CADM1: variants seen among roughly 807,000 people sequenced by gnomAD.
The protein encoded by CADM1 is TSLC-1.
A neutral mutation model predicts 53.1 loss-of-function variants in CADM1; 15 were observed. The ratio of observed to expected loss-of-function variants is 0.28; its 90% CI spans 0.19 to 0.44. CADM1 has a LOEUF of 0.44. CADM1 is among the 20% of genes least tolerant of loss of function. The pLI, the probability that CADM1 is intolerant of heterozygous loss-of-function variation, is 1.00. For missense variants in CADM1, 434 were observed against 611.3 expected, an observed-to-expected ratio of 0.71 and a Z score of 3.06; for synonymous variants, 281 against 243.0, an observed-to-expected ratio of 1.16 and a Z score of -1.45.
At chr11:115,197,807 A>G (rs969038980) in intron 9 of CADM1, among the ~76,000 whole-genome samples, 3 of 152,244 alleles carry the variant, frequency 2.0e-5, no homozygotes, top group African/African-American at 7.2e-5. Context: ...GCATAAAGTT[A>G]TATGAACACA....
At chr11:115,483,717 G>A (rs1591293145) in intron 1 of CADM1, among the ~76,000 whole-genome samples, 1 of 152,130 alleles carries the variant, frequency 6.6e-6, no homozygotes, top group Non-Finnish European at 1.5e-5. Flanking sequence ...CTTTTTAAAT[G>A]TTTTTTAGTC....
rs78513061 is a variant in CADM1 at position 115,418,022 on chromosome 11, A to G, written c.124+86249T>C. ...ACATCTAATTCAGATGCGGATAAGA[A>G]GCAATGTTAATGAATAACAAAATAA... On this transcript the variant is annotated intron_variant, in intron 1 of 11. Coordinates refer to ENST00000331581, the MANE Select transcript of CADM1 (RefSeq NM_001301043.2). Among the ~76,000 whole-genome samples, 242 of 152,348 alleles carry G rather than the reference A, an allele frequency of 1.6e-3. 4 individuals carry two copies. In the East Asian group the frequency reaches 0.037, roughly 24 times the overall value.
At chr11:115,338,236 C>A (rs1378974905) in intron 1 of CADM1, among the ~76,000 whole-genome samples, 3 of 152,118 alleles carry the variant, frequency 2.0e-5, no homozygotes, top group Non-Finnish European at 4.4e-5. Flanking sequence ...TTAATATTCA[C>A]AAAAACCCTA....
At chr11:115,394,217 C>T (rs1057001412) in intron 1 of CADM1, among the ~76,000 whole-genome samples, 7 of 152,218 alleles carry the variant, frequency 4.6e-5, no homozygotes, top group African/African-American at 1.7e-4. Flanking sequence ...TATAAAATTA[C>T]ATCAGATCTC....
At chr11:115,209,083 T>C (rs1407390229) in intron 8 of CADM1, among the ~76,000 whole-genome samples, 1 of 152,202 alleles carries the variant, frequency 6.6e-6, no homozygotes, top group Non-Finnish European at 1.5e-5. Flanking sequence ...AAACAGGTAG[T>C]ATCACTTGTC....
rs893814404 is a variant in CADM1 at position 115,349,702 on chromosome 11, T to C, written c.125-109282A>G. On this transcript the variant is annotated intron_variant, in intron 1 of 11. Transcript: ENST00000331581. ...AAATAGCAAAAACTTGTCATCTTTG[T>C]TGCTTAAAGGGAAAGCTGTTCAAGG... Among the ~76,000 whole-genome samples, 9 of 152,350 alleles carry C rather than the reference T, an allele frequency of 5.9e-5. 1 individual carries two copies. Among genetic ancestry groups the C allele is most frequent in the Admixed American group, 5.9e-4 (9 of 15,306 alleles).
intron 9 of CADM1, among the ~76,000 whole-genome samples, chr11:115,194,420 C>A (rs1263622587): frequency 1.3e-5 from 2 of 152,114 alleles, no homozygotes; most frequent in African/African-American, 2.4e-5. Flanking sequence ...GGGCTGTGCT[C>A]GTAGGGTACG....
intron 1 of CADM1, among the ~76,000 whole-genome samples, chr11:115,268,892 C>A (rs969397361): frequency 6.6e-5 from 10 of 152,062 alleles, no homozygotes; most frequent in African/African-American, 2.2e-4. Context: ...ATGAGTGGGG[C>A]TGCAGAGCTG....
intron 1 of CADM1, among the ~76,000 whole-genome samples, chr11:115,301,441 T>C (rs949227400): frequency 2.0e-5 from 3 of 151,996 alleles, no homozygotes; most frequent in African/African-American, 7.2e-5. Flanking sequence ...TTACTTGAAG[T>C]CAAAACAAAA....
chr11:115,239,676 T>A (rs1942146872), intron 2 of CADM1, among the ~76,000 whole-genome samples: 1 of 151,952 alleles, frequency 6.6e-6, no homozygotes, highest in Admixed American at 6.6e-5. Flanking sequence ...ATGCTTCGCT[T>A]TGGTTAGGCA....
intron 5 of CADM1, among the ~76,000 whole-genome samples, chr11:115,220,837 A>G (rs1413844914): frequency 6.6e-6 from 1 of 152,172 alleles, no homozygotes; most frequent in Non-Finnish European, 1.5e-5. Flanking sequence ...TGGCACCTCT[A>G]GAACTAAGGG....
chr11:115,504,318 A>G lies in CADM1; in HGVS notation c.77T>C (p.Leu26Pro), dbSNP rs1368800781. ...GGAGAAGAGCAACAGCAGAAGCCGGAGCCGGAGCCCGGGAGGCGCCGCCGC... is the reference window on the plus strand; with the variant it reads ...GGAGAAGAGCAACAGCAGAAGCCGGGGCCGGAGCCCGGGAGGCGCCGCCGC... ...AAAAAPPGLR[L>P]RLLLLLFSAA... Residue 26 changes from leucine (L) to proline (P), a missense_variant, in exon 1 of 12, where the codon CTC (leucine) becomes CCC (proline). Around this residue, in one of 4 missense-constraint regions of CADM1, gnomAD observed 76 missense variants for 59.8 expected, o/e 1.27. Transcript: ENST00000331581. 30 of 1,553,112 alleles carry G rather than the reference A, an allele frequency of 1.9e-5. No individual in the cohort carries two copies. Among genetic ancestry groups the G allele is most frequent in the Non-Finnish European group, 2.6e-5 (30 of 1,148,728 alleles).
chr11:115,440,544 C>T (rs1447190968), intron 1 of CADM1, among the ~76,000 whole-genome samples: 1 of 152,216 alleles, frequency 6.6e-6, no homozygotes, highest in Non-Finnish European at 1.5e-5. Flanking sequence ...TGCTTTACTA[C>T]TTCAGAGATA....
chr11:115,239,799 T>C (rs1006966603), intron 2 of CADM1, among the ~76,000 whole-genome samples: 4 of 152,114 alleles, frequency 2.6e-5, no homozygotes, highest in African/African-American at 4.8e-5. Flanking sequence ...ACAAGTCCAT[T>C]GCAATTTTGT....
chr11:115,176,710 G>A, intron 11 of CADM1, 118 bp from the exon 12 acceptor site: 2 of 868,582 alleles, frequency 2.3e-6, no homozygotes, highest in South Asian at 2.6e-5. Flanking sequence ...GGCAGCAGAG[G>A]GGAAAAAACA....
chr11:115,209,492 G>A lies in CADM1; in HGVS notation c.1078+82C>T, dbSNP rs543042714. On this transcript the variant is annotated intron_variant, in intron 8 of 11. Coordinates refer to ENST00000331581, the MANE Select transcript of CADM1 (RefSeq NM_001301043.2). ...ACGATTAAATTCCAAGGATTTAAAG[G>A]GAACTTTTCGGCTTCTTTTTATACA... 5.3e-5 allele frequency: 85 copies of A among 1,592,430 alleles called. 1 individual carries two copies. The African/African-American group carries it at 9.0e-4, about 17-fold the overall frequency.
At chr11:115,263,829 A>G (rs1943047147) in intron 1 of CADM1, among the ~76,000 whole-genome samples, 3 of 152,242 alleles carry the variant, frequency 2.0e-5, no homozygotes. Flanking sequence ...TTAATTGAAC[A>G]TTTTATGACA....
intron 1 of CADM1, among the ~76,000 whole-genome samples, chr11:115,312,046 A>G (rs528574078): frequency 6.6e-6 from 1 of 152,284 alleles, no homozygotes; most frequent in South Asian, 2.1e-4. Flanking sequence ...GAACATGAAT[A>G]CAACACATTC....
chr11:115,241,706 A>G (rs1471993710), intron 1 of CADM1, among the ~76,000 whole-genome samples: 1 of 152,188 alleles, frequency 6.6e-6, no homozygotes, highest in South Asian at 2.1e-4. Flanking sequence ...CTAGACATCA[A>G]ATACAAAGAT....
Sources: allele counts gnomAD v4.1 joint callset (sites outside exome capture counted in the v4.1 genomes callset), GRCh38; gene constraint gnomAD v4.1.1; regional missense constraint gnomAD v4.1.1; transcripts MANE v1.5; gene names NCBI Gene and HGNC (gene_info 2026-07-23, HGNC 2026-07-21).